F8: variants seen among roughly 807,000 people sequenced by gnomAD.
The protein encoded by F8 is coagulation factor VIII, also known as antihemophilic factor.
A neutral mutation model predicts 140.6 loss-of-function variants in F8; 12 were observed. The observed-to-expected ratio is 0.09, with a 90% CI of 0.05 to 0.14. F8 has a LOEUF of 0.14. Among genes scored for constraint, F8 ranks in the 10% least tolerant of loss-of-function variants. F8 has a pLI of 1.00. For synonymous variants in F8, 585 were observed against 614.6 expected, an observed-to-expected ratio of 0.95 and a Z score of 0.71; for missense variants, 1,354 against 1,720.7, an observed-to-expected ratio of 0.79 and a Z score of 3.77.
At chrX:154,868,573 T>C (rs2072748634) in intron 22 of F8, among the ~76,000 whole-genome samples, 1 of 111,931 alleles carries the variant, frequency 8.9e-6, no homozygotes, top group Non-Finnish European at 1.9e-5. Context: ...GAACAACTGG[T>C]ACTAGCCACT....
intron 3 of F8, among the ~76,000 whole-genome samples, chrX:154,996,072 GA>G (rs1306901998): frequency 9.1e-6 from 1 of 109,756 alleles, no homozygotes; most frequent in Non-Finnish European, 1.9e-5. Flanking sequence ...GATGTCAGCA[GA>G]AAAAAAAAGA....
intron 6 of F8, among the ~76,000 whole-genome samples, chrX:154,975,165 C>T (rs933486209): frequency 8.1e-5 from 9 of 111,137 alleles, no homozygotes; most frequent in South Asian, 3.7e-4. Flanking sequence ...CCATGAGATG[C>T]ATCATTAGGT....
chrX:154,900,976 CA>C (rs2073006942), intron 20 of F8, among the ~76,000 whole-genome samples: 1 of 112,748 alleles, frequency 8.9e-6, no homozygotes, highest in East Asian at 2.8e-4. Flanking sequence ...ACATGCCATA[CA>C]AAAACAGGCA....
At chrX:154,841,355 A>G (rs1407932082) in intron 25 of F8, among the ~76,000 whole-genome samples, 3 of 107,906 alleles carry the variant, frequency 2.8e-5, no homozygotes, top group Admixed American at 1.0e-4. Context: ...GGGTGGTTTT[A>G]GTCATAATTT....
chrX:154,964,073 T>G (rs1215160463), intron 9 of F8, among the ~76,000 whole-genome samples: 1 of 109,665 alleles, frequency 9.1e-6, no homozygotes, highest in Non-Finnish European at 1.9e-5. Context: ...CTTGTTTTTG[T>G]GTGAAATGCA....
intron 6 of F8, among the ~76,000 whole-genome samples, chrX:154,982,427 G>A (rs1387926879): frequency 1.9e-4 from 16 of 83,096 alleles, no homozygotes; most frequent in Admixed American, 4.8e-4. Context: ...CAGCCTGGGC[G>A]ACAGCAAGAC....
At chrX:154,997,142 C>T in intron 2 of F8, 47 bp from the exon 3 acceptor site, 1 of 1,201,927 alleles carries the variant, frequency 8.3e-7, no homozygotes, top group Non-Finnish European at 1.1e-6. Flanking sequence ...GATAGTACTC[C>T]AGAAAACCTG....
chrX:154,944,785 G>T (rs2073293312), intron 13 of F8, among the ~76,000 whole-genome samples: 1 of 111,615 alleles, frequency 9.0e-6, no homozygotes, highest in Middle Eastern at 4.2e-3. Context: ...GTCCAACAAT[G>T]ATAGACTGGA....
chrX:154,947,224 G>GAAAAAAAAAAAAAA (rs781928603), intron 13 of F8, among the ~76,000 whole-genome samples: 68 of 17,786 alleles, frequency 3.8e-3, no homozygotes, highest in Middle Eastern at 0.031. Context: ...GACTCCGTCT[G>GAAAAAAAAAAAAAA]AAAAAAAAAA....
Position 154,929,089 on chromosome X carries a change from T to C in F8, c.4701A>G (p.Arg1567=). Residue 1567 remains arginine (R), a synonymous_variant, in exon 14 of 26, where the codon AGA becomes AGG. Transcript: ENST00000360256. ...ANRPGKVPFL[R]VATESSAKTP... ...TCTTTGCAGAGCTTTCTGTTGCTAC[T>C]CTCAGAAAGGGAACTTTTCCAGGTC... 1 of 1,211,594 alleles carries C rather than the reference T, an allele frequency of 8.3e-7. No homozygotes were observed. The highest frequency in any genetic ancestry group is 1.1e-6 in the Non-Finnish European group (1 of 895,371).
At chrX:154,862,322 G>A (rs951988331) in intron 23 of F8, among the ~76,000 whole-genome samples, 2 of 111,680 alleles carry the variant, frequency 1.8e-5, no homozygotes, top group African/African-American at 3.3e-5. Context: ...CACCACGCCC[G>A]GCCAATTCTG....
intron 14 of F8, chrX:154,908,969 C>A: frequency 6.9e-6 from 1 of 145,839 alleles, no homozygotes. Context: ...GTGTGACAAT[C>A]CAACAGAGGT....
rs782401171 is a variant in F8, at chrX:154,986,102, C to T, written c.670+1135G>A. On this transcript the variant is annotated intron_variant, in intron 5 of 25. Coordinates refer to ENST00000360256, the MANE Select transcript of F8 (RefSeq NM_000132.4). ...GACTTAAAGAAAAAGGAGAAGCTTA[C>T]TTAGTGTAAAGAGGGAGACAGATTT... 2.7e-5 allele frequency among the ~76,000 whole-genome samples: 3 copies of T among 111,561 alleles called. No homozygotes were observed. In the Admixed American group the frequency reaches 2.8e-4, roughly 11 times the overall value.
chrX:154,900,518 C>T (rs994898103), intron 20 of F8, among the ~76,000 whole-genome samples: 1 of 111,807 alleles, frequency 8.9e-6, no homozygotes, highest in Admixed American at 9.5e-5. Flanking sequence ...CATGAGCCAA[C>T]GTGCCCCGCC....
chrX:154,984,664 T>A (rs782192617), intron 6 of F8, 23 bp downstream of exon 6: 2 of 1,108,889 alleles, frequency 1.8e-6, no homozygotes, highest in African/African-American at 3.6e-5. Flanking sequence ...ACCCTGAGGA[T>A]TGTTGAGCAG....
intron 24 of F8, among the ~76,000 whole-genome samples, chrX:154,860,996 C>CTCCT (rs1167730542): frequency 4.1e-4 from 45 of 110,914 alleles, no homozygotes; most frequent in African/African-American, 1.4e-3. Context: ...TCTGCCCGGC[C>CTCCT]TCCTTCCTTC....
At chrX:154,992,035 T>C (rs1331754157) in intron 4 of F8, among the ~76,000 whole-genome samples, 3 of 112,107 alleles carry the variant, frequency 2.7e-5, no homozygotes, top group Non-Finnish European at 3.8e-5. Flanking sequence ...ATAAGAAGTC[T>C]GGCTACCCTG....
intron 25 of F8, among the ~76,000 whole-genome samples, chrX:154,852,742 A>G (rs2072625371): frequency 9.0e-6 from 1 of 111,344 alleles, no homozygotes; most frequent in African/African-American, 3.3e-5. Flanking sequence ...TCAAAAAAAA[A>G]AATGTCTTTG....
rs368386438 is a variant in F8 at position 154,953,971 on chromosome X, C to T, written c.1824G>A (p.Glu608=). 1.2e-5 allele frequency: 15 copies of T among 1,209,663 alleles called. No homozygotes were observed. Among genetic ancestry groups the T allele is most frequent in the African/African-American group, 7.0e-5 (4 of 57,156 alleles). ...FDENRSWYLT[E]NIQRFLPNPA... ...GATTGGGGAGAAAGCGTTGTATATT[C>T]TCTGTGAGGTACCAGCTTCGGTTCT... Residue 608 remains glutamate (E), a synonymous_variant, in exon 12 of 26, where the codon GAG becomes GAA. Coordinates refer to ENST00000360256, the MANE Select transcript of F8 (RefSeq NM_000132.4).
Sources: gnomAD v4.1 joint callset for allele counts (sites outside exome capture counted in the v4.1 genomes callset) on GRCh38, gnomAD v4.1.1 for gene constraint, MANE v1.5 for transcripts, NCBI Gene and HGNC (gene_info 2026-07-23, HGNC 2026-07-21) for gene names.